HEATR1: variants seen among roughly 807,000 people sequenced by gnomAD.
HEATR1 encodes the protein HEAT repeat-containing protein 1.
In HEATR1, 77 loss-of-function variants were observed where a neutral mutation model predicts 248.2. The observed-to-expected ratio is 0.31, with a 90% CI of 0.26 to 0.37. The LOEUF is 0.37. Ranked by LOEUF, HEATR1 falls within the 10% of genes least tolerant of loss-of-function variation. HEATR1 has a pLI of 1.00. For missense variants in HEATR1, 2,420 were observed against 2,504.9 expected (o/e 0.97, Z 0.72); for synonymous variants, 897 against 923.1 (o/e 0.97, Z 0.51).
At position 236,571,463 on chromosome 1, in the gene HEATR1, T is replaced by C. The variant is rs149379590; in HGVS notation, c.3836A>G (p.Asp1279Gly). The change falls in exon 28 of 45, where the codon GAT becomes GGT. Residue 1279 changes from aspartate to glycine, a missense_variant. Physicochemically the swap from Asp to Gly is moderately conservative, Grantham distance 94. Transcript: ENST00000366582. Reference protein sequence around the residue: ...DGGKIPKDILDEEKFNVELIV... With the variant: ...DGGKIPKDILGEEKFNVELIV... ...CAACTCCACGTTGAACTTCTCCTCA[T>C]CTAAAATATCTACAATGGTGAGAAA... The C allele has an allele frequency of 3.0e-5, 48 of 1,613,782 alleles. No individual in the cohort carries two copies. The African/African-American group carries it at 5.1e-4, about 17-fold the overall frequency.
In HEATR1 at chr1:236,576,292, A is replaced by G. The variant is rs750617675; in HGVS notation, c.3011T>C (p.Leu1004Pro). The change falls in exon 22 of 45, where the codon CTT becomes CCT. Residue 1004 changes from leucine to proline, a missense_variant. Transcript: ENST00000366582. The part of the protein sequence containing the change: ...QKLSETLKNL[L>P]SCVYSCPSYI... ...AGATGGGCAACTATACACACAACTAAGTAAGTTTTTCAAAGTTTCAGACAA... is the reference window on the plus strand; with the variant it reads ...AGATGGGCAACTATACACACAACTAGGTAAGTTTTTCAAAGTTTCAGACAA... 6.2e-7 allele frequency: 1 copy of G among 1,612,306 alleles called. No homozygotes were observed. Among genetic ancestry groups the G allele is most frequent in the Admixed American group, 1.7e-5 (1 of 59,744 alleles).
Position 236,557,287 on chromosome 1 carries a change from CCTCGCTGGAGACCAG to C in HEATR1, c.5248_5262del (p.Leu1750_Glu1754del), listed in dbSNP as rs764863981. Reference sequence around the variant, plus strand: ...GCAGCCAAGGCACTGAGCAGGTAGACCTCGCTGGAGACCAGCTCGCTGGTGTTCTTCATTGTTGTC... The same window carrying C: ...GCAGCCAAGGCACTGAGCAGGTAGACCTCGCTGGTGTTCTTCATTGTTGTC... On this transcript the variant is annotated inframe_deletion, in exon 37 of 45. Coordinates refer to ENST00000366582, the MANE Select transcript of HEATR1 (RefSeq NM_018072.6). 5 of 1,614,164 alleles carry C rather than the reference CCTCGCTGGAGACCAG, an allele frequency of 3.1e-6. No homozygotes were observed. The highest frequency in any genetic ancestry group is 3.4e-6 in the Non-Finnish European group (4 of 1,180,018).
At chr1:236,570,920 T>C (rs1663409360) in intron 28 of HEATR1, among the ~76,000 whole-genome samples, 1 of 152,222 alleles carries the variant, frequency 6.6e-6, no homozygotes, top group African/African-American at 2.4e-5. Context: ...AGGGACATGA[T>C]TTCTTTAAAT....
rs759696731 is a variant in HEATR1 at position 236,558,311 on chromosome 1, G to A, written c.5130C>T (p.Val1710=). The change falls in exon 36 of 45, where the codon GTC becomes GTT. Residue 1710 remains valine (V), a synonymous_variant. Coordinates refer to ENST00000366582, the MANE Select transcript of HEATR1 (RefSeq NM_018072.6). ...CTATGCACAGCAGCGCGCTTCCCAG[G>A]ACATTCTTCTCCTCCTTTCTCTCTG... ...IAPERKEEKN[V]LGSALLCIAE... The A allele has an allele frequency of 1.2e-6, 2 of 1,614,210 alleles. No homozygotes were observed. The highest frequency in any genetic ancestry group is 8.5e-7 in the Non-Finnish European group (1 of 1,180,038).
rs1361273822 is a variant in HEATR1 at position 236,549,230 on chromosome 1, C to T, written c.*1672G>A. On this transcript the variant is annotated 3_prime_UTR_variant, in exon 45 of 45. Transcript: ENST00000366582. ...CAACTGAGATCAAAGCACTCTTCCACTTTACGTGATTAAAATCAAACCTGT... is the reference window on the plus strand; with the variant it reads ...CAACTGAGATCAAAGCACTCTTCCATTTTACGTGATTAAAATCAAACCTGT... The T allele has an allele frequency of 1.6e-5, 6 of 371,108 alleles. No homozygotes were observed. The highest frequency in any genetic ancestry group is 1.4e-5 in the Non-Finnish European group (3 of 209,160). 23.0% of individuals were successfully genotyped at this position (371,108 alleles called of 1,614,324 possible).
chr1:236,573,045 C>A (rs1263584203), intron 24 of HEATR1, among the ~76,000 whole-genome samples: 1 of 152,182 alleles, frequency 6.6e-6, no homozygotes, highest in East Asian at 1.9e-4. Flanking sequence ...AGAGTATACA[C>A]TAAAAGCTCT....
intron 21 of HEATR1, 102 bp downstream of exon 21, chr1:236,576,678 A>T: frequency 9.4e-7 from 1 of 1,068,362 alleles, no homozygotes; most frequent in Non-Finnish European, 1.4e-6. Flanking sequence ...CCAATGACTT[A>T]GTCCATCAAA....
intron 24 of HEATR1, 132 bp from the exon 25 acceptor site, chr1:236,572,960 C>G (rs967251979): frequency 2.5e-5 from 20 of 792,206 alleles, no homozygotes; most frequent in Admixed American, 4.7e-5. Context: ...CATCTGAACC[C>G]CCCCCAGCAT....
chr1:236,582,886 G>T lies in HEATR1; in HGVS notation c.2426-14C>A. 1.2e-6 allele frequency: 2 copies of T among 1,613,342 alleles called. No homozygotes were observed. Among genetic ancestry groups the T allele is most frequent in the Non-Finnish European group, 1.7e-6 (2 of 1,179,294 alleles). ...ACCATATATCACCTACAAGGACATG[G>T]AAAGAGAAATGATGCTAGATCCTAC... On this transcript the variant is annotated splice_polypyrimidine_tract_variant and intron_variant, in intron 18 of 44. Transcript: ENST00000366582.
chr1:236,565,401 G>A (rs1431429045), intron 31 of HEATR1, among the ~76,000 whole-genome samples: 2 of 152,156 alleles, frequency 1.3e-5, no homozygotes, highest in Non-Finnish European at 2.9e-5. Flanking sequence ...TGATCCTCCT[G>A]TCTCATTCTC....
Position 236,587,316 on chromosome 1 carries a change from T to TAAA in HEATR1, c.1715+83_1715+85dup. The TAAA allele has an allele frequency of 4.8e-5, 23 of 475,450 alleles. No individual in the cohort carries two copies. The East Asian group carries it at 4.9e-4, about 10-fold the overall frequency. 29.5% of individuals were successfully genotyped at this position (475,450 alleles called of 1,614,324 possible). On this transcript the variant is annotated intron_variant, in intron 14 of 44. Transcript: ENST00000366582. ...CAAAAGGGTCATGTAATCAAAGCCT[T>TAAA]AAAAAAAAAAAGAAGAAGAAATAGA... is the stretch of plus-strand genomic sequence containing the variant.
chr1:236,558,612 G>A (rs1663040399), intron 35 of HEATR1, 83 bp from the exon 36 acceptor site: 5 of 1,373,838 alleles, frequency 3.6e-6, no homozygotes, highest in Non-Finnish European at 5.0e-6. Context: ...GCTTGAGATT[G>A]TCTAAATGGA....
chr1:236,577,458 A>G (rs1034449820), intron 20 of HEATR1, among the ~76,000 whole-genome samples: 5 of 147,964 alleles, frequency 3.4e-5, no homozygotes, highest in South Asian at 4.3e-4. Flanking sequence ...AATGTTTTCC[A>G]TAAGTACATA....
At chr1:236,558,638 T>C (rs1663041099) in intron 35 of HEATR1, 109 bp from the exon 36 acceptor site, 5 of 1,078,864 alleles carry the variant, frequency 4.6e-6, no homozygotes, top group Non-Finnish European at 6.7e-6. Flanking sequence ...GACTCGGGGG[T>C]CCTGAGTCAC....
At chr1:236,587,864 T>C in intron 13 of HEATR1, 84 bp downstream of exon 13, 1 of 926,774 alleles carries the variant, frequency 1.1e-6, no homozygotes, top group African/African-American at 1.7e-5. Context: ...TCCAAAAATA[T>C]TCTAGTCTCA....
intron 19 of HEATR1, 40 bp downstream of exon 19, chr1:236,582,696 T>C (rs377687190): frequency 2.5e-6 from 4 of 1,607,684 alleles, no homozygotes; most frequent in Non-Finnish European, 3.4e-6. Flanking sequence ...CCATATCTTC[T>C]TTAAGGGTAG....
At position 236,549,839 on chromosome 1, in the gene HEATR1, C is replaced by CTAT. The variant is rs1397097040; in HGVS notation, c.*1060_*1062dup. ...ACGTGGAGGAAAAAAATTTAAAAAG[C>CTAT]TATTAGTATTTATTAATGAATTTTA... On this transcript the variant is annotated 3_prime_UTR_variant, in exon 45 of 45. Coordinates refer to ENST00000366582, the MANE Select transcript of HEATR1 (RefSeq NM_018072.6). The CTAT allele has an allele frequency of 1.3e-5, 2 of 152,092 alleles. No homozygotes were observed. The highest frequency in any genetic ancestry group is 2.9e-5 in the Non-Finnish European group (2 of 68,018). The allele number at this position is 152,092 out of a possible 1,614,324, so 9.4% of individuals were successfully genotyped here.
chr1:236,557,281 G>C lies in HEATR1; in HGVS notation c.5269C>G (p.Leu1757Val), dbSNP rs915546188. Residue 1757 changes from leucine to valine, a missense_variant, in exon 37 of 45, where the codon CTG (leucine) becomes GTG (valine). Leu to Val is a conservative substitution (Grantham distance 32). Transcript: ENST00000366582. Reference sequence around the variant, plus strand: ...TGCAGAGCAGCCAAGGCACTGAGCAGGTAGACCTCGCTGGAGACCAGCTCG... The same window carrying C: ...TGCAGAGCAGCCAAGGCACTGAGCACGTAGACCTCGCTGGAGACCAGCTCG... ...TSELVSSEVY[L>V]LSALAALQKV... 6.2e-7 allele frequency: 1 copy of C among 1,614,220 alleles called. No homozygotes were observed. Among genetic ancestry groups the C allele is most frequent in the South Asian group, 1.1e-5 (1 of 91,082 alleles).
At position 236,582,992 on chromosome 1, in the gene HEATR1, G is replaced by A. The variant is rs537312222; in HGVS notation, c.2425+21C>T. 9 of 1,611,766 alleles carry A rather than the reference G, an allele frequency of 5.6e-6. No individual in the cohort carries two copies. In the East Asian group the frequency reaches 2.0e-4, roughly 36 times the overall value. On this transcript the variant is annotated intron_variant, in intron 18 of 44. Coordinates refer to ENST00000366582, the MANE Select transcript of HEATR1 (RefSeq NM_018072.6). ...GTTTTGCAGAGTATCACATTTAAAA[G>A]ATTCACAGCTTGTATCTTACCTTTA...
Sources: gnomAD v4.1 joint callset for allele counts (sites outside exome capture counted in the v4.1 genomes callset) on GRCh38, gnomAD v4.1.1 for gene constraint, MANE v1.5 for transcripts, NCBI Gene and HGNC (gene_info 2026-07-23, HGNC 2026-07-21) for gene names.